SRBD1: variants seen among roughly 807,000 people sequenced by gnomAD.
SRBD1 encodes the protein S1 RNA binding domain 1, also known as S1 RNA-binding domain-containing protein 1.
Under a neutral mutation model 115.3 loss-of-function variants are expected in SRBD1, and 88 were observed. That is an observed-to-expected ratio of 0.76 (90% CI 0.64 to 0.91). The LOEUF is 0.91. Among genes scored for constraint, SRBD1 ranks in the 40% least tolerant of loss-of-function variants. The pLI is 0.00. For missense variants in SRBD1, 1,385 were observed against 1,177.4 expected (o/e 1.18, Z -2.58); for synonymous variants, 509 against 407.7 (o/e 1.25, Z -2.99).
chr2:45,602,831 G>A (rs898552039), intron 2 of SRBD1, among the ~76,000 whole-genome samples: 3 of 152,178 alleles, frequency 2.0e-5, no homozygotes, highest in Admixed American at 6.5e-5. Flanking sequence ...AGTGAATAGG[G>A]AAGTCTGGGT....
chr2:45,433,954 A>G (rs1355235386), intron 16 of SRBD1, among the ~76,000 whole-genome samples: 2 of 152,236 alleles, frequency 1.3e-5, no homozygotes, highest in Non-Finnish European at 2.9e-5. Flanking sequence ...AAAGGGCATC[A>G]GCACTGGAAG....
At chr2:45,492,197 T>C (rs1394886798) in intron 14 of SRBD1, among the ~76,000 whole-genome samples, 1 of 152,220 alleles carries the variant, frequency 6.6e-6, no homozygotes, top group Admixed American at 6.5e-5. Flanking sequence ...CAATATAATT[T>C]GTTTTCTGTA....
chr2:45,540,644 G>A (rs576799722), intron 14 of SRBD1, among the ~76,000 whole-genome samples: 1 of 152,084 alleles, frequency 6.6e-6, no homozygotes, highest in East Asian at 1.9e-4. Flanking sequence ...GCTTAATTCA[G>A]AATAAATAAA....
At chr2:45,454,754 T>C (rs1572659018) in intron 16 of SRBD1, among the ~76,000 whole-genome samples, 1 of 152,036 alleles carries the variant, frequency 6.6e-6, no homozygotes, top group Non-Finnish European at 1.5e-5. Flanking sequence ...GCACGGTTTT[T>C]CATGTGTCAC....
chr2:45,528,855 T>G (rs1418196673), intron 14 of SRBD1, among the ~76,000 whole-genome samples: 1 of 151,820 alleles, frequency 6.6e-6, no homozygotes, highest in Non-Finnish European at 1.5e-5. Flanking sequence ...AAAACAGCAG[T>G]GTACGAAACT....
chr2:45,435,866 T>G (rs1668481563), intron 16 of SRBD1, among the ~76,000 whole-genome samples: 1 of 152,204 alleles, frequency 6.6e-6, no homozygotes, highest in Non-Finnish European at 1.5e-5. Context: ...CTCTATAATC[T>G]TTTCCAGAAA....
chr2:45,492,305 G>A (rs1277630888), intron 14 of SRBD1, among the ~76,000 whole-genome samples: 4 of 152,012 alleles, frequency 2.6e-5, no homozygotes, highest in African/African-American at 9.7e-5. Flanking sequence ...TTTAAAACTA[G>A]GTTTTCAAAA....
intron 7 of SRBD1, among the ~76,000 whole-genome samples, chr2:45,578,045 CAA>C (rs1673233141): frequency 6.6e-6 from 1 of 152,006 alleles, no homozygotes; most frequent in South Asian, 2.1e-4. Flanking sequence ...TAGGACAATC[CAA>C]AGAGATATGG....
intron 10 of SRBD1, among the ~76,000 whole-genome samples, chr2:45,555,304 G>C (rs897991200): frequency 1.3e-5 from 2 of 152,132 alleles, no homozygotes; most frequent in Non-Finnish European, 2.9e-5. Context: ...AGGATCACTT[G>C]AGCCCAGGAG....
chr2:45,562,227 T>C (rs1047487683), intron 10 of SRBD1, among the ~76,000 whole-genome samples: 1 of 152,098 alleles, frequency 6.6e-6, no homozygotes, highest in Non-Finnish European at 1.5e-5. Context: ...GGGTTTTTTG[T>C]TTGTTTGTTT....
At chr2:45,429,103 G>T (rs1015387150) in intron 16 of SRBD1, among the ~76,000 whole-genome samples, 3 of 152,098 alleles carry the variant, frequency 2.0e-5, no homozygotes, top group Non-Finnish European at 4.4e-5. Flanking sequence ...CCAGGAAAAA[G>T]TCGAATCCCT....
At chr2:45,556,239 G>T (rs1245210491) in intron 10 of SRBD1, among the ~76,000 whole-genome samples, 1 of 152,024 alleles carries the variant, frequency 6.6e-6, no homozygotes, top group Non-Finnish European at 1.5e-5. Flanking sequence ...CAGAGGAGTA[G>T]GATTTCTCTA....
At chr2:45,589,501 A>G (rs566491434) in intron 4 of SRBD1, among the ~76,000 whole-genome samples, 147 of 152,338 alleles carry the variant, frequency 9.6e-4, no homozygotes, top group African/African-American at 3.3e-3. Context: ...AATGCTCATC[A>G]TTTTGGAACT....
rs566596146 is a variant in SRBD1 at position 45,572,161 on chromosome 2, G to A, written c.1305+1046C>T. Among the ~76,000 whole-genome samples, 33 of 152,172 alleles carry A rather than the reference G, an allele frequency of 2.2e-4. No individual in the cohort carries two copies. In the South Asian group the frequency reaches 3.7e-3, roughly 17 times the overall value. Reference sequence around the variant, plus strand: ...AGAGACTTGTCATGAATAAGGCATCGTAAGATTAACAGCTGATTCCTCATA... The same window carrying A: ...AGAGACTTGTCATGAATAAGGCATCATAAGATTAACAGCTGATTCCTCATA... On this transcript the variant is annotated intron_variant, in intron 9 of 20. Coordinates refer to ENST00000263736, the MANE Select transcript of SRBD1 (RefSeq NM_018079.5).
Position 45,568,237 on chromosome 2 carries a change from A to G in SRBD1, c.1305+4970T>C, listed in dbSNP as rs544421599. 2.6e-5 allele frequency among the ~76,000 whole-genome samples: 4 copies of G among 152,366 alleles called. No individual in the cohort carries two copies. In the South Asian group the frequency reaches 8.3e-4, roughly 32 times the overall value. ...CAATTTGAAAAAGAAAGAAAAAAAG[A>G]TGCAGCTGGAAGAATTTACTAAGCA... is the stretch of plus-strand genomic sequence containing the variant. On this transcript the variant is annotated intron_variant, in intron 9 of 20. Transcript: ENST00000263736.
At chr2:45,610,913 G>A (rs1184779400) in intron 1 of SRBD1, among the ~76,000 whole-genome samples, 2 of 139,152 alleles carry the variant, frequency 1.4e-5, no homozygotes, top group Non-Finnish European at 3.0e-5. Flanking sequence ...GGGCGACAGA[G>A]GGAGACTCCG....
chr2:45,582,034 T>G (rs945106100), intron 5 of SRBD1, among the ~76,000 whole-genome samples: 1 of 152,202 alleles, frequency 6.6e-6, no homozygotes, highest in Non-Finnish European at 1.5e-5. Context: ...TATCAGGTAA[T>G]TAACACTAAT....
At chr2:45,532,841 G>C (rs1314864104) in intron 14 of SRBD1, among the ~76,000 whole-genome samples, 1 of 147,998 alleles carries the variant, frequency 6.8e-6, no homozygotes, top group Non-Finnish European at 1.5e-5. Context: ...CACAAATAAG[G>C]TGAATTCAAG....
At chr2:45,449,384 T>C (rs142000981) in intron 16 of SRBD1, among the ~76,000 whole-genome samples, 26 of 152,286 alleles carry the variant, frequency 1.7e-4, no homozygotes, top group African/African-American at 6.3e-4. Context: ...CTAATAAATG[T>C]CATATTAAGA....
Sources: gnomAD v4.1 joint callset for allele counts (sites outside exome capture counted in the v4.1 genomes callset) on GRCh38, gnomAD v4.1.1 for gene constraint, MANE v1.5 for transcripts, NCBI Gene and HGNC (gene_info 2026-07-23, HGNC 2026-07-21) for gene names.